The following TNRC6A variants were observed in gnomAD, a reference collection of about 807,000 sequenced individuals.
TNRC6A encodes trinucleotide repeat-containing gene 6A protein.
In TNRC6A, 44 loss-of-function variants were observed where a neutral mutation model predicts 221.2. The ratio of observed to expected loss-of-function variants is 0.20; its 90% CI spans 0.16 to 0.26. TNRC6A has a LOEUF of 0.26. TNRC6A is among the 10% of genes least tolerant of loss of function. The pLI, the probability that TNRC6A is intolerant of heterozygous loss-of-function variation, is 1.00. For missense variants in TNRC6A, 2,199 were observed against 2,404.4 expected, an observed-to-expected ratio of 0.91 and a Z score of 1.79; for synonymous variants, 847 against 838.5, an observed-to-expected ratio of 1.01 and a Z score of -0.18.
intron 4 of TNRC6A, chr16:24,776,608 C>T (rs949356492): frequency 6.1e-6 from 6 of 985,268 alleles, no homozygotes; most frequent in South Asian, 4.7e-5. Context: ...TGAGTCATTG[C>T]GAGTTCCCTG....
At chr16:24,660,567 G>A (rs1025011751) in intron 2 of TNRC6A, among the ~76,000 whole-genome samples, 2 of 151,902 alleles carry the variant, frequency 1.3e-5, no homozygotes, top group African/African-American at 2.4e-5. Flanking sequence ...GTGCAAGTTT[G>A]ATGCCATTTT....
At chr16:24,669,941 C>CTTGTTTTTTTTTTTTT (rs2055256539) in intron 2 of TNRC6A, among the ~76,000 whole-genome samples, 1 of 27,162 alleles carries the variant, frequency 3.7e-5, no homozygotes, top group African/African-American at 1.4e-4. Flanking sequence ...GAGGCAGCTA[C>CTTGTTTTTTTTTTTTT]TTTTTTTTTT....
chr16:24,622,943 G>A (rs984494587), intron 1 of TNRC6A, among the ~76,000 whole-genome samples: 8 of 152,098 alleles, frequency 5.3e-5, no homozygotes, highest in Admixed American at 4.6e-4. Context: ...TGATCATTTC[G>A]AGTTCCAATT....
chr16:24,753,726 G>A (rs1054138134), intron 3 of TNRC6A, among the ~76,000 whole-genome samples: 1 of 152,190 alleles, frequency 6.6e-6, no homozygotes, highest in African/African-American at 2.4e-5. Context: ...CAGGTGGGCA[G>A]GCCCATTTAT....
At chr16:24,653,533 T>C (rs1159832765) in intron 2 of TNRC6A, among the ~76,000 whole-genome samples, 1 of 152,152 alleles carries the variant, frequency 6.6e-6, no homozygotes, top group Non-Finnish European at 1.5e-5. Context: ...CCCAGCACTT[T>C]GGGAGGCTGA....
At chr16:24,638,534 G>C (rs940393402) in intron 1 of TNRC6A, among the ~76,000 whole-genome samples, 5 of 152,038 alleles carry the variant, frequency 3.3e-5, no homozygotes, top group Non-Finnish European at 7.4e-5. Context: ...CCAACATGGT[G>C]AAACCCTGTC....
At chr16:24,776,887 C>T in intron 4 of TNRC6A, 46 bp from the exon 5 acceptor site, 1 of 1,574,048 alleles carries the variant, frequency 6.4e-7, no homozygotes, top group East Asian at 2.3e-5. Flanking sequence ...TGGAGGTACA[C>T]TTTACTGGCT....
chr16:24,628,673 A>G (rs568796824), intron 1 of TNRC6A, among the ~76,000 whole-genome samples: 1 of 152,332 alleles, frequency 6.6e-6, no homozygotes, highest in South Asian at 2.1e-4. Context: ...TATATAATAC[A>G]TATAATATAC....
chr16:24,780,970 C>T (rs1367680320), intron 5 of TNRC6A, among the ~76,000 whole-genome samples: 2 of 151,330 alleles, frequency 1.3e-5, no homozygotes, highest in Admixed American at 1.3e-4. Context: ...TTGCAACTTG[C>T]ACCTTCCCCT....
Position 24,795,892 on chromosome 16 carries a change from T to C in TNRC6A, c.3529-15T>C. On this transcript the variant is annotated splice_polypyrimidine_tract_variant and intron_variant, in intron 8 of 24. Transcript: ENST00000395799. ...ACTGGACCATGCTGTTTTGTGACTTTGTCTTTCCTTACAGGGTCTGAGTGG... is the reference window on the plus strand; with the variant it reads ...ACTGGACCATGCTGTTTTGTGACTTCGTCTTTCCTTACAGGGTCTGAGTGG... The C allele has an allele frequency of 1.9e-6, 3 of 1,589,226 alleles. No homozygotes were observed. Among genetic ancestry groups the C allele is most frequent in the Non-Finnish European group, 1.7e-6 (2 of 1,164,456 alleles).
intron 2 of TNRC6A, among the ~76,000 whole-genome samples, chr16:24,643,689 C>G (rs1273346942): frequency 6.6e-6 from 1 of 152,188 alleles, no homozygotes; most frequent in Non-Finnish European, 1.5e-5. Context: ...CTATCTGATT[C>G]TGTACTGTCC....
chr16:24,782,590 A>G (rs548343370), intron 5 of TNRC6A, among the ~76,000 whole-genome samples: 1 of 152,260 alleles, frequency 6.6e-6, no homozygotes, highest in South Asian at 2.1e-4. Flanking sequence ...CGTAAGAGTG[A>G]TTTGAGGCCG....
At chr16:24,670,580 C>A (rs909233596) in intron 2 of TNRC6A, among the ~76,000 whole-genome samples, 72 of 152,276 alleles carry the variant, frequency 4.7e-4, no homozygotes, top group African/African-American at 1.6e-3. Context: ...TTTTCAAATT[C>A]AGTAGACTAT....
chr16:24,721,203 A>G (rs2056405073), intron 2 of TNRC6A, among the ~76,000 whole-genome samples: 1 of 152,328 alleles, frequency 6.6e-6, no homozygotes. Context: ...CTAGTTTCTT[A>G]TATAGTCAAA....
intron 1 of TNRC6A, among the ~76,000 whole-genome samples, chr16:24,637,954 T>G (rs750637883): frequency 6.6e-6 from 1 of 151,928 alleles, no homozygotes; most frequent in African/African-American, 2.4e-5. Flanking sequence ...CCAGCTAACT[T>G]TTGTATTTTT....
intron 2 of TNRC6A, among the ~76,000 whole-genome samples, chr16:24,656,179 G>A (rs1435602375): frequency 1.3e-5 from 2 of 149,406 alleles, no homozygotes; most frequent in East Asian, 2.0e-4. Context: ...AAAGAAAAAT[G>A]AGGCCGGGCG....
intron 17 of TNRC6A, among the ~76,000 whole-genome samples, chr16:24,808,479 A>G (rs1451684228): frequency 1.3e-5 from 2 of 152,248 alleles, no homozygotes; most frequent in East Asian, 3.8e-4. Context: ...GCAGAGTTGC[A>G]TGGAGACACC....
chr16:24,676,762 T>C (rs1191656535), intron 2 of TNRC6A, among the ~76,000 whole-genome samples: 1 of 152,188 alleles, frequency 6.6e-6, no homozygotes, highest in African/African-American at 2.4e-5. Context: ...CCAAGACTTC[T>C]TGATTTCTTG....
At chr16:24,818,743 C>A in intron 21 of TNRC6A, 43 bp downstream of exon 21, 2 of 1,475,390 alleles carry the variant, frequency 1.4e-6, no homozygotes, top group Non-Finnish European at 1.9e-6. Context: ...TGGTCACAGC[C>A]AGAGCCGCGG....
Sources: allele counts gnomAD v4.1 joint callset (sites outside exome capture counted in the v4.1 genomes callset), GRCh38; gene constraint gnomAD v4.1.1; transcripts MANE v1.5; gene names NCBI Gene and HGNC (gene_info 2026-07-23, HGNC 2026-07-21).